RPS6KC1: variants seen among roughly 807,000 people sequenced by gnomAD.
RPS6KC1 encodes the protein inactive ribosomal protein S6 kinase delta-1.
A neutral mutation model predicts 103.8 loss-of-function variants in RPS6KC1; 54 were observed. The observed-to-expected ratio is 0.52, with a 90% CI of 0.42 to 0.65. The LOEUF is 0.65. Among genes scored for constraint, RPS6KC1 ranks in the 30% least tolerant of loss-of-function variants. The probability of loss-of-function intolerance (pLI) is 0.00; values close to 1 mark genes in which losing one functional copy is unlikely to be tolerated. For missense variants in RPS6KC1, 1,151 were observed against 1,253.8 expected (o/e 0.92, Z 1.24); for synonymous variants, 439 against 438.7 (o/e 1.00, Z -0.01).
chr1:213,749,042 G>A, the RPS6KC1 span, among the ~76,000 whole-genome samples: 1 of 152,176 alleles, frequency 6.6e-6, no homozygotes, highest in Non-Finnish European at 1.5e-5. Context: ...AAATAAAAAT[G>A]TTACAGTCCC....
intron 8 of RPS6KC1, among the ~76,000 whole-genome samples, chr1:213,206,389 T>C (rs768895671): frequency 4.6e-5 from 7 of 152,240 alleles, no homozygotes; most frequent in Admixed American, 2.0e-4. Context: ...AAATACCTTT[T>C]GAATGCTGCC....
rs2095073067 is a variant in RPS6KC1 at position 213,272,665 on chromosome 1, G to C, written c.*31G>C. 1 of 1,514,770 alleles carries C rather than the reference G, an allele frequency of 6.6e-7. No individual in the cohort carries two copies. The highest frequency in any genetic ancestry group is 2.3e-5 in the East Asian group (1 of 44,302). 93.8% of individuals were successfully genotyped at this position (1,514,770 alleles called of 1,614,324 possible). A position where few individuals can be genotyped will look rare whatever the true frequency, so the allele number is the denominator to read the frequency against. On this transcript the variant is annotated 3_prime_UTR_variant, in exon 15 of 15. Transcript: ENST00000366960. ...ATGCAGGGTTATCTTCACACATTCT[G>C]ATCTTCTCTGTGACAGGCATCTCCA...
chr1:213,281,879 G>A, the RPS6KC1 span, among the ~76,000 whole-genome samples: 52 of 152,278 alleles, frequency 3.4e-4, no homozygotes, highest in African/African-American at 1.1e-3. Flanking sequence ...ATTGGTAGCA[G>A]CTTTCCAACG....
At chr1:213,052,426 C>T (rs1002356721) in intron 1 of RPS6KC1, among the ~76,000 whole-genome samples, 22 of 152,232 alleles carry the variant, frequency 1.4e-4, no homozygotes, top group Middle Eastern at 3.4e-3. Flanking sequence ...TTTTGCCTAA[C>T]TCCAAGTTAT....
the RPS6KC1 span, among the ~76,000 whole-genome samples, chr1:213,497,509 G>A: frequency 5.3e-5 from 8 of 152,146 alleles, no homozygotes; most frequent in African/African-American, 1.4e-4. Context: ...TTACAATTTC[G>A]ATTACATATA....
At chr1:213,471,579 G>A in the RPS6KC1 span, among the ~76,000 whole-genome samples, 4 of 152,006 alleles carry the variant, frequency 2.6e-5, no homozygotes. Context: ...TGAGCATCAT[G>A]AGAAGCCAAA....
the RPS6KC1 span, among the ~76,000 whole-genome samples, chr1:213,586,130 G>T: frequency 6.6e-6 from 1 of 152,044 alleles, no homozygotes; most frequent in African/African-American, 2.4e-5. Context: ...TGCCATCCAT[G>T]GTGACCTTGG....
the RPS6KC1 span, among the ~76,000 whole-genome samples, chr1:213,580,002 A>T: frequency 6.6e-6 from 1 of 152,100 alleles, no homozygotes; most frequent in Non-Finnish European, 1.5e-5. Flanking sequence ...TAGCTTATGG[A>T]TCAAGTAGTC....
the RPS6KC1 span, among the ~76,000 whole-genome samples, chr1:213,425,061 C>T: frequency 3.0e-4 from 46 of 152,180 alleles, no homozygotes; most frequent in Non-Finnish European, 1.3e-4. Context: ...CGCCATGTAG[C>T]AGGGAAGCAA....
the RPS6KC1 span, among the ~76,000 whole-genome samples, chr1:213,327,426 T>A: frequency 6.6e-6 from 1 of 152,218 alleles, no homozygotes; most frequent in African/African-American, 2.4e-5. Context: ...CTCTTTTCTC[T>A]GGCACTTTGG....
intron 8 of RPS6KC1, among the ~76,000 whole-genome samples, chr1:213,205,605 A>G (rs1472460531): frequency 6.4e-5 from 9 of 140,304 alleles, no homozygotes; most frequent in Non-Finnish European, 3.1e-5. Flanking sequence ...TTTTATATAT[A>G]GAATCAGCAT....
the RPS6KC1 span, among the ~76,000 whole-genome samples, chr1:213,530,031 T>C: frequency 1.8e-5 from 1 of 56,212 alleles, no homozygotes; most frequent in South Asian, 8.6e-4. Flanking sequence ...CCTTCACTTC[T>C]TTTATTATTA....
chr1:213,861,271 G>C, the RPS6KC1 span, among the ~76,000 whole-genome samples: 39 of 152,082 alleles, frequency 2.6e-4, no homozygotes, highest in Non-Finnish European at 4.7e-4. Flanking sequence ...AAACAGGAGT[G>C]GTTCAACCTT....
the RPS6KC1 span, among the ~76,000 whole-genome samples, chr1:213,304,829 G>A: frequency 1.3e-5 from 2 of 152,028 alleles, no homozygotes. Context: ...GCGTGAGCCA[G>A]CATGCCCAGC....
At chr1:213,254,544 G>C (rs1409426683) in intron 12 of RPS6KC1, among the ~76,000 whole-genome samples, 1 of 152,224 alleles carries the variant, frequency 6.6e-6, no homozygotes, top group Non-Finnish European at 1.5e-5. Flanking sequence ...AGGCTCATGA[G>C]TGCTTTTGAA....
At chr1:213,859,833 G>A in the RPS6KC1 span, among the ~76,000 whole-genome samples, 1 of 152,008 alleles carries the variant, frequency 6.6e-6, no homozygotes, top group Non-Finnish European at 1.5e-5. Context: ...GCCATAGGAC[G>A]GAAAACTCCA....
chr1:213,143,793 A>G (rs976291114), intron 6 of RPS6KC1, among the ~76,000 whole-genome samples: 2 of 150,076 alleles, frequency 1.3e-5, no homozygotes, highest in African/African-American at 4.9e-5. Flanking sequence ...CGTGAACCAC[A>G]CTGGGCAAAA....
chr1:213,150,707 C>T (rs1020412136), intron 6 of RPS6KC1, among the ~76,000 whole-genome samples: 4 of 152,160 alleles, frequency 2.6e-5, no homozygotes, highest in Admixed American at 1.3e-4. Context: ...TCTCCCATGT[C>T]TACTTCTTTC....
At chr1:213,332,722 A>C in the RPS6KC1 span, among the ~76,000 whole-genome samples, 1 of 152,166 alleles carries the variant, frequency 6.6e-6, no homozygotes, top group East Asian at 1.9e-4. Flanking sequence ...CCCTGACCAC[A>C]GATCACACTT....
Sources: allele counts gnomAD v4.1 joint callset (sites outside exome capture counted in the v4.1 genomes callset), GRCh38; gene constraint gnomAD v4.1.1; transcripts MANE v1.5; gene names NCBI Gene and HGNC (gene_info 2026-07-23, HGNC 2026-07-21).